DHCR24: variants seen among roughly 807,000 people sequenced by gnomAD.
DHCR24 encodes delta(24)-sterol reductase.
DHCR24 carries 28 observed loss-of-function variants against 61.2 expected under a neutral mutation model. The observed-to-expected ratio is 0.46, with a 90% CI of 0.34 to 0.63. The LOEUF (loss-of-function observed/expected upper bound fraction) is 0.63. DHCR24 is among the 20% of genes least tolerant of loss of function. The probability of loss-of-function intolerance (pLI) is 0.01; values close to 1 mark genes in which losing one functional copy is unlikely to be tolerated. For synonymous variants in DHCR24, 261 were observed against 275.9 expected, an observed-to-expected ratio of 0.95 and a Z score of 0.54; for missense variants, 538 against 679.1, an observed-to-expected ratio of 0.79 and a Z score of 2.31.
chr1:54,887,147 G>T lies in DHCR24; in HGVS notation c.-28C>A. The T allele has an allele frequency of 6.5e-7, 1 of 1,536,606 alleles. No homozygotes were observed. The highest frequency in any genetic ancestry group is 8.8e-7 in the Non-Finnish European group (1 of 1,140,728). ...TGCGGCGCCGCGCGGTAAGCGCTGC[G>T]GGTTCGCGCCTCCTGTCACTGCCGC... On this transcript the variant is annotated 5_prime_UTR_variant, in exon 1 of 9. Coordinates refer to ENST00000371269, the MANE Select transcript of DHCR24 (RefSeq NM_014762.4).
chr1:54,879,040 C>T (rs1244551398), intron 2 of DHCR24, among the ~76,000 whole-genome samples: 1 of 152,120 alleles, frequency 6.6e-6, no homozygotes, highest in Non-Finnish European at 1.5e-5. Flanking sequence ...AAAGATCCGG[C>T]CAGGTGCAAT....
At position 54,856,367 on chromosome 1, in the gene DHCR24, C is replaced by T. The variant is rs150142115; in HGVS notation, c.1021-2133G>A. On this transcript the variant is annotated intron_variant, in intron 6 of 8. Transcript: ENST00000371269. ...AATCCCAGCGCTTTGGGAGGCTGAG[C>T]GGGCAGATCACTTGAGGTCAGTAGT... Among the ~76,000 whole-genome samples, 52 of 152,220 alleles carry T rather than the reference C, an allele frequency of 3.4e-4. 1 individual carries two copies. In the East Asian group the frequency reaches 7.9e-3, roughly 23 times the overall value.
At chr1:54,886,773 C>G in intron 1 of DHCR24, 116 bp downstream of exon 1, 2 of 1,514,412 alleles carry the variant, frequency 1.3e-6, no homozygotes, top group South Asian at 1.2e-5. Context: ...GCTCCCCACC[C>G]CCCCAGGAAG....
chr1:54,878,215 C>T lies in DHCR24; in HGVS notation c.388-2168G>A, dbSNP rs1178220473. On this transcript the variant is annotated intron_variant, in intron 2 of 8. Transcript: ENST00000371269. The stretch of plus-strand genomic sequence containing the variant: ...GGGAAAAAACTGCCAGAAAAGACAA[C>T]AGGTAATAGGCTAGGCATGGTGGCT... 4.0e-5 allele frequency among the ~76,000 whole-genome samples: 6 copies of T among 151,462 alleles called. No homozygotes were observed. The East Asian group carries it at 7.9e-4, about 20-fold the overall frequency.
chr1:54,853,489 AGT>A lies in DHCR24; in HGVS notation c.1340_1341del (p.His447LeufsTer2). 1 of 1,614,182 alleles carries A rather than the reference AGT, an allele frequency of 6.2e-7. No homozygotes were observed. The highest frequency in any genetic ancestry group is 8.5e-7 in the Non-Finnish European group (1 of 1,180,022). On this transcript the variant is annotated frameshift_variant, in exon 8 of 9. Transcript: ENST00000371269. LOFTEE classifies it high-confidence loss of function. ...IGAYGEPRVK[H>X]FEARSCMRQL... ...TGCCTCATGCAGGACCTGGCTTCAA[AGT>A]GTTTCACACGCGGCTCCCCATATGC...
At chr1:54,882,844 A>G (rs1439959608) in intron 2 of DHCR24, among the ~76,000 whole-genome samples, 3 of 151,986 alleles carry the variant, frequency 2.0e-5, no homozygotes, top group Non-Finnish European at 4.4e-5. Flanking sequence ...GGGGGCGGGT[A>G]GGGGAAGAGG....
chr1:54,853,189 G>GT (rs1264716369), intron 8 of DHCR24, among the ~76,000 whole-genome samples: 1 of 151,906 alleles, frequency 6.6e-6, no homozygotes, highest in Non-Finnish European at 1.5e-5. Context: ...CTGCTGGGGG[G>GT]GTGTGACATG....
intron 8 of DHCR24, 50 bp downstream of exon 8, chr1:54,853,384 A>G: frequency 6.2e-7 from 1 of 1,610,398 alleles, no homozygotes; most frequent in Non-Finnish European, 8.5e-7. Context: ...CTGGAGCAGT[A>G]CCCTGGGGCT....
intron 2 of DHCR24, among the ~76,000 whole-genome samples, chr1:54,881,816 C>T (rs554478586): frequency 1.4e-4 from 21 of 152,190 alleles, no homozygotes; most frequent in Admixed American, 2.6e-4. Context: ...AGCCATGTTC[C>T]TTTGCAAGAA....
chr1:54,866,193 C>T (rs1184657615), intron 5 of DHCR24, among the ~76,000 whole-genome samples: 1 of 152,080 alleles, frequency 6.6e-6, no homozygotes, highest in African/African-American at 2.4e-5. Flanking sequence ...TGGAAAAGCA[C>T]AAGCTTTAGG....
At chr1:54,866,957 G>T (rs1026637506) in intron 5 of DHCR24, among the ~76,000 whole-genome samples, 12 of 152,236 alleles carry the variant, frequency 7.9e-5, no homozygotes, top group Admixed American at 2.6e-4. Flanking sequence ...GGTGAGGTGT[G>T]TCACATACCT....
At position 54,853,972 on chromosome 1, in the gene DHCR24, G is replaced by A; in HGVS notation, c.1218+65C>T. ...TGCCCAAGGTCGGTCACACGGTTCAGGGGAGGAGACCATGGATTCCAAGGG... is the reference window on the plus strand; with the variant it reads ...TGCCCAAGGTCGGTCACACGGTTCAAGGGAGGAGACCATGGATTCCAAGGG... On this transcript the variant is annotated intron_variant, in intron 7 of 8. Transcript: ENST00000371269. The A allele has an allele frequency of 2.7e-6, 4 of 1,500,428 alleles. No individual in the cohort carries two copies. In the South Asian group the frequency reaches 3.6e-5, roughly 13 times the overall value. The allele number at this position is 1,500,428 out of a possible 1,614,324, so 92.9% of individuals were successfully genotyped here.
intron 2 of DHCR24, 42 bp from the exon 3 acceptor site, chr1:54,876,089 G>A (rs752299255): frequency 1.3e-6 from 2 of 1,532,188 alleles, no homozygotes; most frequent in Non-Finnish European, 1.8e-6. Flanking sequence ...AAAGGAGGCT[G>A]CCAGGCCCAA....
rs770219651 is a variant in DHCR24, at chr1:54,854,093, G to A, written c.1162C>T (p.Leu388=). The A allele has an allele frequency of 2.4e-5, 38 of 1,614,034 alleles. No individual in the cohort carries two copies. The Middle Eastern group carries it at 5.0e-4, about 21-fold the overall frequency. ...YEQHHVVQDM[L]VPMKCLQQAL... ...TGCTGCAGGCACTTCATGGGCACCA[G>A]CATGTCCTGCACCACGTGGTGCTGC... is the stretch of plus-strand genomic sequence containing the variant. The change falls in exon 7 of 9, where the codon CTG becomes TTG. Residue 388 remains leucine (L), a synonymous_variant. Transcript: ENST00000371269.
chr1:54,863,534 G>C (rs1646950105), intron 6 of DHCR24, among the ~76,000 whole-genome samples: 1 of 152,182 alleles, frequency 6.6e-6, no homozygotes, highest in Admixed American at 6.5e-5. Flanking sequence ...GGGACACCTG[G>C]ATAGCTATAA....
At position 54,853,610 on chromosome 1, in the gene DHCR24, G is replaced by A. The variant is rs778213411; in HGVS notation, c.1221C>T (p.Val407=). The part of the protein sequence containing the change: ...ALHTFQNDIH[V]YPIWLCPFIL... The stretch of plus-strand genomic sequence containing the variant: ...TGAACGGACACAGCCAGATGGGGTA[G>A]ACCTGGGTAGACCAGGGAGGTGGGT... Residue 407 remains valine (V), a splice_region_variant and synonymous_variant, in exon 8 of 9, where the codon GTC becomes GTT. Coordinates refer to ENST00000371269, the MANE Select transcript of DHCR24 (RefSeq NM_014762.4). 1.9e-6 allele frequency: 3 copies of A among 1,613,134 alleles called. No homozygotes were observed. The highest frequency in any genetic ancestry group is 2.5e-6 in the Non-Finnish European group (3 of 1,179,732).
At chr1:54,855,902 C>T (rs1220695556) in intron 6 of DHCR24, among the ~76,000 whole-genome samples, 1 of 152,176 alleles carries the variant, frequency 6.6e-6, no homozygotes, top group Non-Finnish European at 1.5e-5. Context: ...GTTTCCCTCC[C>T]AGCAATGACC....
intron 4 of DHCR24, among the ~76,000 whole-genome samples, chr1:54,872,314 A>T (rs1467996376): frequency 6.6e-6 from 1 of 152,186 alleles, no homozygotes; most frequent in African/African-American, 2.4e-5. Flanking sequence ...TATTGTTTTG[A>T]CATTTGTCTT....
rs148065457 is a variant in DHCR24, at chr1:54,883,407, G to A, written c.387+211C>T. ...CCCATTCCTGACTTCCTGTGGAAAC[G>A]CAAAGGGTTCCCCTGACCTATTATG... On this transcript the variant is annotated intron_variant, in intron 2 of 8. Transcript: ENST00000371269. The surrounding 1 kb of genome is among the most constrained non-coding windows in gnomAD (Gnocchi z 4.3). Among the ~76,000 whole-genome samples the A allele has an allele frequency of 2.0e-5, 3 of 152,228 alleles. No homozygotes were observed. The highest frequency in any genetic ancestry group is 4.8e-5 in the African/African-American group (2 of 41,556).
Sources: gnomAD v4.1 joint callset for allele counts (sites outside exome capture counted in the v4.1 genomes callset) on GRCh38, gnomAD v4.1.1 for gene constraint, Gnocchi (gnomAD v3.1) non-coding constraint, MANE v1.5 for transcripts, NCBI Gene and HGNC (gene_info 2026-07-23, HGNC 2026-07-21) for gene names.